CHODL: variants seen among roughly 807,000 people sequenced by gnomAD.
CHODL encodes the protein chondrolectin, also known as transmembrane protein MT75.
A neutral mutation model predicts 34.5 loss-of-function variants in CHODL; 29 were observed. The observed-to-expected ratio is 0.84, with a 90% CI of 0.63 to 1.15. CHODL has a LOEUF of 1.15. CHODL is among the 50% of genes most tolerant of loss of function. The pLI, the probability that CHODL is intolerant of heterozygous loss-of-function variation, is 0.00. For missense variants in CHODL, 332 were observed against 332.5 expected (o/e 1.00, Z 0.01); for synonymous variants, 125 against 116.1 (o/e 1.08, Z -0.49).
intron 2 of CHODL, among the ~76,000 whole-genome samples, chr21:18,125,466 A>T (rs1292159648): frequency 6.6e-6 from 1 of 152,182 alleles, no homozygotes; most frequent in African/African-American, 2.4e-5. Context: ...AGAAGAAAAT[A>T]TAAGTAAGTA....
At chr21:17,981,531 C>T (rs2063714048) in intron 1 of CHODL, among the ~76,000 whole-genome samples, 1 of 152,154 alleles carries the variant, frequency 6.6e-6, no homozygotes, top group African/African-American at 2.4e-5. Context: ...TTGCAAATGT[C>T]AGTTGTCCCA....
At chr21:18,156,455 TAAA>T (rs2073036084) in intron 2 of CHODL, among the ~76,000 whole-genome samples, 1 of 152,116 alleles carries the variant, frequency 6.6e-6, no homozygotes, top group African/African-American at 2.4e-5. Context: ...ATTTGTCAAT[TAAA>T]AATAAAATTT....
At chr21:17,997,872 A>T (rs1411292449) in intron 1 of CHODL, among the ~76,000 whole-genome samples, 1 of 152,126 alleles carries the variant, frequency 6.6e-6, no homozygotes, top group Non-Finnish European at 1.5e-5. Flanking sequence ...GGATGGGGAC[A>T]CAGCCAAGCC....
intron 2 of CHODL, among the ~76,000 whole-genome samples, chr21:18,189,084 A>G (rs1328609928): frequency 2.0e-5 from 3 of 152,088 alleles, no homozygotes; most frequent in Non-Finnish European, 2.9e-5. Flanking sequence ...AAGTGTGAGG[A>G]CTTTCTCTTT....
At chr21:18,216,472 T>C (rs2073829327) in intron 2 of CHODL, among the ~76,000 whole-genome samples, 2 of 152,096 alleles carry the variant, frequency 1.3e-5, no homozygotes, top group South Asian at 4.1e-4. Context: ...ACAACAATTC[T>C]ACTCTCTACT....
chr21:18,044,132 G>A (rs1209798103), intron 2 of CHODL, among the ~76,000 whole-genome samples: 1 of 151,900 alleles, frequency 6.6e-6, no homozygotes, highest in Non-Finnish European at 1.5e-5. Flanking sequence ...AGAAAGTATT[G>A]GTAAAATGTG....
chr21:18,251,480 T>TTTAATATATAAAATAAATATTTA (rs2074239917), intron 1 of CHODL, among the ~76,000 whole-genome samples: 2 of 90,902 alleles, frequency 2.2e-5, no homozygotes, highest in African/African-American at 1.1e-4. Flanking sequence ...TAATTATTTA[T>TTTAATATATAAAATAAATATTTA]TTTAATATAT....
chr21:17,946,069 A>G (rs946918227), intron 1 of CHODL, among the ~76,000 whole-genome samples: 2 of 152,206 alleles, frequency 1.3e-5, no homozygotes, highest in South Asian at 4.1e-4. Context: ...CTTAAAAAAA[A>G]AACCTATTAG....
intron 1 of CHODL, among the ~76,000 whole-genome samples, chr21:18,248,200 C>T (rs2074167426): frequency 6.6e-6 from 1 of 151,710 alleles, no homozygotes; most frequent in Non-Finnish European, 1.5e-5. Flanking sequence ...AGAGGCCTCT[C>T]TTCTTATCCT....
intron 2 of CHODL, among the ~76,000 whole-genome samples, chr21:18,192,494 C>G (rs1027059208): frequency 1.3e-5 from 2 of 152,080 alleles, no homozygotes; most frequent in East Asian, 3.9e-4. Flanking sequence ...AGGCAAAAGT[C>G]CTATCTTTAG....
At chr21:17,940,811 G>A (rs1200417055) in intron 1 of CHODL, among the ~76,000 whole-genome samples, 1 of 152,130 alleles carries the variant, frequency 6.6e-6, no homozygotes, top group Admixed American at 6.5e-5. Context: ...ATTAATAGAC[G>A]CTCTTCATCC....
chr21:17,927,843 A>G (rs2063241079), intron 1 of CHODL, among the ~76,000 whole-genome samples: 1 of 152,232 alleles, frequency 6.6e-6, no homozygotes, highest in African/African-American at 2.4e-5. Context: ...TTGTTAAATG[A>G]ATAAAGACCT....
intron 1 of CHODL, among the ~76,000 whole-genome samples, chr21:17,958,200 A>C (rs141866492): frequency 0.011 from 1,683 of 152,158 alleles, 39 homozygotes; most frequent in African/African-American, 0.038. Context: ...AAATTTCCTC[A>C]TGGGCTTTTC....
At chr21:17,993,837 G>A (rs1003019775) in intron 1 of CHODL, among the ~76,000 whole-genome samples, 7 of 152,170 alleles carry the variant, frequency 4.6e-5, no homozygotes, top group Non-Finnish European at 1.0e-4. Flanking sequence ...CCCACCAACA[G>A]TGTATGATCA....
chr21:18,182,713 T>A (rs1266057975), intron 2 of CHODL, among the ~76,000 whole-genome samples: 1 of 152,200 alleles, frequency 6.6e-6, no homozygotes, highest in Non-Finnish European at 1.5e-5. Context: ...CCCAATCAGT[T>A]TTATGTAAAC....
chr21:18,138,176 A>T (rs2072756602), intron 2 of CHODL, among the ~76,000 whole-genome samples: 1 of 151,402 alleles, frequency 6.6e-6, no homozygotes, highest in Middle Eastern at 3.2e-3. Context: ...TATGTATAGT[A>T]GGTCCAGAGC....
At chr21:17,932,527 T>C (rs1218987956) in intron 1 of CHODL, among the ~76,000 whole-genome samples, 1 of 152,226 alleles carries the variant, frequency 6.6e-6, no homozygotes, top group Non-Finnish European at 1.5e-5. Context: ...TGTGACACTA[T>C]TCACAATAGC....
intron 1 of CHODL, among the ~76,000 whole-genome samples, chr21:18,020,559 C>T (rs937681287): frequency 1.3e-5 from 2 of 152,142 alleles, no homozygotes; most frequent in African/African-American, 4.8e-5. Context: ...TTTAATCTCT[C>T]AAAATAAATT....
At chr21:18,247,229 A>G (rs2074151927) in intron 1 of CHODL, among the ~76,000 whole-genome samples, 1 of 152,152 alleles carries the variant, frequency 6.6e-6, no homozygotes, top group Non-Finnish European at 1.5e-5. Context: ...GAATTGGTGC[A>G]TCAATTTTTC....
Sources: allele counts gnomAD v4.1 joint callset (sites outside exome capture counted in the v4.1 genomes callset), GRCh38; gene constraint gnomAD v4.1.1; transcripts MANE v1.5; gene names NCBI Gene and HGNC (gene_info 2026-07-23, HGNC 2026-07-21).